HHIP: variants seen among roughly 807,000 people sequenced by gnomAD.
HHIP encodes hedgehog-interacting protein.
In HHIP, 12 loss-of-function variants were observed where a neutral mutation model predicts 74.0. The observed-to-expected ratio is 0.16, with a 90% CI of 0.10 to 0.26. The LOEUF (loss-of-function observed/expected upper bound fraction) is 0.26. Ranked by LOEUF, HHIP falls within the 10% of genes least tolerant of loss-of-function variation. HHIP has a pLI of 1.00. For synonymous variants in HHIP, 309 were observed against 311.6 expected (o/e 0.99, Z 0.09); for missense variants, 788 against 845.0 (o/e 0.93, Z 0.84).
At chr4:144,675,016 A>C (rs972192550) in intron 4 of HHIP, among the ~76,000 whole-genome samples, 6 of 152,168 alleles carry the variant, frequency 3.9e-5, no homozygotes, top group African/African-American at 1.4e-4. Flanking sequence ...GTTGGATATC[A>C]TTTTAAAAGA....
At chr4:144,722,333 G>A (rs1396783209) in intron 11 of HHIP, among the ~76,000 whole-genome samples, 4 of 152,058 alleles carry the variant, frequency 2.6e-5, no homozygotes, top group Non-Finnish European at 5.9e-5. Flanking sequence ...ACCATACTGT[G>A]TCCCTTTGTC....
intron 4 of HHIP, among the ~76,000 whole-genome samples, chr4:144,677,030 T>C (rs1729187444): frequency 6.6e-6 from 1 of 152,210 alleles, no homozygotes; most frequent in Non-Finnish European, 1.5e-5. Flanking sequence ...ACATCTTATA[T>C]GTTCAGCTAG....
chr4:144,725,120 T>C (rs1578727019), intron 11 of HHIP, among the ~76,000 whole-genome samples: 1 of 152,308 alleles, frequency 6.6e-6, no homozygotes, highest in East Asian at 1.9e-4. Flanking sequence ...TAAATTAGTA[T>C]ATCATCAGAT....
At chr4:144,689,016 T>C (rs933065631) in intron 4 of HHIP, among the ~76,000 whole-genome samples, 7 of 152,220 alleles carry the variant, frequency 4.6e-5, no homozygotes, top group East Asian at 1.9e-4. Flanking sequence ...GATAAATATC[T>C]TCCCAAGGGT....
chr4:144,711,866 G>C (rs1327694573), intron 7 of HHIP, 84 bp from the exon 8 acceptor site: 2 of 1,371,596 alleles, frequency 1.5e-6, no homozygotes, highest in East Asian at 2.3e-5. Flanking sequence ...TCCACAAAGG[G>C]CTCCTTCCTA....
At chr4:144,650,542 ACTC>A (rs1560691812) in intron 1 of HHIP, 2 of 151,748 alleles carry the variant, frequency 1.3e-5, no homozygotes, top group African/African-American at 2.4e-5. Context: ...ACACACCCAG[ACTC>A]ATCTGTCTAA....
At chr4:144,660,656 G>A (rs2126590503) in intron 4 of HHIP, among the ~76,000 whole-genome samples, 1 of 151,260 alleles carries the variant, frequency 6.6e-6, no homozygotes, top group African/African-American at 2.4e-5. Flanking sequence ...TTGCTTTGTT[G>A]TGCTGTACTC....
Position 144,741,861 on chromosome 4 carries a change from T to G in HHIP, c.*3904T>G, listed in dbSNP as rs2126701741. 6.6e-6 allele frequency: 1 copy of G among 152,166 alleles called. No individual in the cohort carries two copies. The highest frequency in any genetic ancestry group is 1.9e-4 in the East Asian group (1 of 5,186). 9.4% of individuals were successfully genotyped at this position (152,166 alleles called of 1,614,324 possible). A position where few individuals can be genotyped will look rare whatever the true frequency, so the allele number is the denominator to read the frequency against. ...CATAAAAGAGAAATCAAGCCCAAAT[T>G]TTTAGAGGAAGGCTAAGGTATACTA... is the stretch of plus-strand genomic sequence containing the variant. On this transcript the variant is annotated 3_prime_UTR_variant, in exon 13 of 13. Transcript: ENST00000296575.
At chr4:144,649,318 T>C (rs773641857) in intron 1 of HHIP, among the ~76,000 whole-genome samples, 1 of 152,154 alleles carries the variant, frequency 6.6e-6, no homozygotes, top group Non-Finnish European at 1.5e-5. Flanking sequence ...AGAAATTTCT[T>C]AGACAAATAG....
chr4:144,658,739 T>G, intron 2 of HHIP, 51 bp from the exon 3 acceptor site: 1 of 1,468,076 alleles, frequency 6.8e-7, no homozygotes, highest in Non-Finnish European at 9.3e-7. Context: ...AATAAGGTGG[T>G]TTTACTATGA....
intron 4 of HHIP, among the ~76,000 whole-genome samples, chr4:144,697,705 A>T (rs944616186): frequency 2.0e-5 from 3 of 152,146 alleles, no homozygotes; most frequent in African/African-American, 7.2e-5. Context: ...TAAATTTTAT[A>T]TAAAATAAAT....
chr4:144,698,730 T>C (rs893103513), intron 4 of HHIP, among the ~76,000 whole-genome samples: 3 of 152,192 alleles, frequency 2.0e-5, no homozygotes, highest in African/African-American at 7.2e-5. Context: ...TTATTGTGGC[T>C]GGTTTCATCC....
At chr4:144,682,242 T>G (rs1313579974) in intron 4 of HHIP, among the ~76,000 whole-genome samples, 1 of 152,166 alleles carries the variant, frequency 6.6e-6, no homozygotes, top group African/African-American at 2.4e-5. Context: ...CAGCGAAAAC[T>G]TCTCAACATA....
chr4:144,712,755 C>T (rs1010639875), intron 8 of HHIP, among the ~76,000 whole-genome samples: 1 of 151,886 alleles, frequency 6.6e-6, no homozygotes, highest in Non-Finnish European at 1.5e-5. Flanking sequence ...ATTCAGGAAA[C>T]ACAGTAGATT....
intron 11 of HHIP, among the ~76,000 whole-genome samples, chr4:144,730,298 T>A (rs1335267186): frequency 6.6e-6 from 1 of 152,228 alleles, no homozygotes; most frequent in East Asian, 1.9e-4. Context: ...TGGACAGTTT[T>A]TTGAACTAGG....
At position 144,738,499 on chromosome 4, in the gene HHIP, A is replaced by G; in HGVS notation, c.*542A>G. On this transcript the variant is annotated 3_prime_UTR_variant, in exon 13 of 13. Coordinates refer to ENST00000296575, the MANE Select transcript of HHIP (RefSeq NM_022475.3). ...AATCTTCATTTTTGTCAGTGTATCCAGTTACAGAATGCTACACACTTACCT... is the reference window on the plus strand; with the variant it reads ...AATCTTCATTTTTGTCAGTGTATCCGGTTACAGAATGCTACACACTTACCT... The G allele has an allele frequency of 1.0e-6, 1 of 980,440 alleles. No homozygotes were observed. The highest frequency in any genetic ancestry group is 1.2e-6 in the Non-Finnish European group (1 of 825,054). 60.7% of individuals were successfully genotyped at this position (980,440 alleles called of 1,614,324 possible). A position where few individuals can be genotyped will look rare whatever the true frequency, so the allele number is the denominator to read the frequency against.
chr4:144,677,883 T>C (rs905787702), intron 4 of HHIP, among the ~76,000 whole-genome samples: 1 of 152,214 alleles, frequency 6.6e-6, no homozygotes, highest in Non-Finnish European at 1.5e-5. Context: ...TGCTCACTTA[T>C]ATCTACTTCC....
chr4:144,700,843 A>T (rs1729959188), intron 4 of HHIP, among the ~76,000 whole-genome samples: 1 of 152,234 alleles, frequency 6.6e-6, no homozygotes, highest in South Asian at 2.1e-4. Context: ...AGTTTGTGGT[A>T]AATTTTCATA....
intron 4 of HHIP, among the ~76,000 whole-genome samples, chr4:144,686,533 A>T (rs921209415): frequency 3.3e-5 from 5 of 152,188 alleles, no homozygotes; most frequent in African/African-American, 1.2e-4. Flanking sequence ...AAAAGGGAAG[A>T]TTAAAGATAC....
Sources: gnomAD v4.1 joint callset for allele counts (sites outside exome capture counted in the v4.1 genomes callset) on GRCh38, gnomAD v4.1.1 for gene constraint, MANE v1.5 for transcripts, NCBI Gene and HGNC (gene_info 2026-07-23, HGNC 2026-07-21) for gene names.